Variants in PRKG1 observed in about 807,000 individuals in gnomAD.
PRKG1 encodes the protein cGMP-dependent protein kinase 1.
Under a neutral mutation model 88.1 loss-of-function variants are expected in PRKG1, and 35 were observed. The ratio of observed to expected loss-of-function variants is 0.40; its 90% CI spans 0.30 to 0.53. The LOEUF (loss-of-function observed/expected upper bound fraction) is 0.53, where lower values mean the gene tolerates loss of function less well. Among genes scored for constraint, PRKG1 ranks in the 20% least tolerant of loss-of-function variants. The pLI, the probability that PRKG1 is intolerant of heterozygous loss-of-function variation, is 0.59. For synonymous variants in PRKG1, 303 were observed against 292.5 expected, an observed-to-expected ratio of 1.04 and a Z score of -0.37; for missense variants, 540 against 839.8, an observed-to-expected ratio of 0.64 and a Z score of 4.41.
intron 2 of PRKG1, among the ~76,000 whole-genome samples, chr10:51,267,086 G>A (rs573021547): frequency 5.9e-5 from 9 of 152,206 alleles, no homozygotes; most frequent in Middle Eastern, 3.4e-3. Context: ...AATTAGCTCT[G>A]TTGCTGCCGA....
At chr10:51,906,250 C>A (rs1589408905) in intron 4 of PRKG1, among the ~76,000 whole-genome samples, 1 of 152,252 alleles carries the variant, frequency 6.6e-6, no homozygotes, top group Middle Eastern at 3.4e-3. Context: ...GAGTGTTTTT[C>A]TCCTCATTAT....
At chr10:51,031,128 T>C (rs1053219043) in intron 1 of PRKG1, among the ~76,000 whole-genome samples, 1 of 152,236 alleles carries the variant, frequency 6.6e-6, no homozygotes, top group African/African-American at 2.4e-5. Flanking sequence ...TTTTCAAAAG[T>C]ATTCATTGAT....
intron 2 of PRKG1, among the ~76,000 whole-genome samples, chr10:51,326,099 C>T (rs745820742): frequency 6.6e-6 from 1 of 152,152 alleles, no homozygotes; most frequent in Non-Finnish European, 1.5e-5. Context: ...AACCTAAGTC[C>T]TTTGGATTGC....
In PRKG1 at chr10:52,296,306, A is replaced by G. The variant is rs1196378144; in HGVS notation, c.*2406A>G. ...AATGGAGAAGGAAGAAGTAGCATTCAGCACAAGAAACTGTAGATTGTTTCT... is the reference window on the plus strand; with the variant it reads ...AATGGAGAAGGAAGAAGTAGCATTCGGCACAAGAAACTGTAGATTGTTTCT... On this transcript the variant is annotated 3_prime_UTR_variant, in exon 18 of 18. Coordinates refer to ENST00000373980, the MANE Select transcript of PRKG1 (RefSeq NM_006258.4). 1 of 152,104 alleles carries G rather than the reference A, an allele frequency of 6.6e-6. No individual in the cohort carries two copies. Among genetic ancestry groups the G allele is most frequent in the Non-Finnish European group, 1.5e-5 (1 of 67,954 alleles). 9.4% of individuals were successfully genotyped at this position (152,104 alleles called of 1,614,324 possible). A position where few individuals can be genotyped will look rare whatever the true frequency, so the allele number is the denominator to read the frequency against.
chr10:51,696,497 G>A (rs1286874668), intron 3 of PRKG1: 1 of 152,004 alleles, frequency 6.6e-6, no homozygotes, highest in Non-Finnish European at 1.5e-5. Flanking sequence ...GGAAGGTATT[G>A]AGAGATTATT....
chr10:51,660,699 C>T (rs942974503), intron 3 of PRKG1, among the ~76,000 whole-genome samples: 10 of 152,016 alleles, frequency 6.6e-5, no homozygotes, highest in Non-Finnish European at 4.4e-5. Flanking sequence ...CACGTGGATT[C>T]AGAGCTGAAA....
intron 5 of PRKG1, among the ~76,000 whole-genome samples, chr10:51,934,917 C>T (rs1396821792): frequency 1.3e-5 from 2 of 152,080 alleles, no homozygotes; most frequent in East Asian, 3.9e-4. Flanking sequence ...AATCAATAAG[C>T]CAGGACAGAG....
rs954251349 is a variant in PRKG1, at chr10:52,021,919, T to G, written c.763-32565T>G. ...CTTTTTCTTATTGCCATATCCATGT[T>G]GTTTCTTATATTATCTTCCTTATTT... On this transcript the variant is annotated intron_variant, in intron 5 of 17. Coordinates refer to ENST00000373980, the MANE Select transcript of PRKG1 (RefSeq NM_006258.4). 3.9e-5 allele frequency among the ~76,000 whole-genome samples: 6 copies of G among 152,330 alleles called. No homozygotes were observed. The East Asian group carries it at 7.7e-4, about 20-fold the overall frequency.
chr10:51,321,288 C>T (rs866148390), intron 2 of PRKG1, among the ~76,000 whole-genome samples: 1 of 152,014 alleles, frequency 6.6e-6, no homozygotes, highest in East Asian at 1.9e-4. Context: ...TGGAGTTAAG[C>T]GTCTAACTTT....
At chr10:51,962,434 G>T (rs1462089286) in intron 5 of PRKG1, among the ~76,000 whole-genome samples, 2 of 151,974 alleles carry the variant, frequency 1.3e-5, no homozygotes, top group South Asian at 4.2e-4. Flanking sequence ...ATACAAATAG[G>T]ATGATCATAG....
intron 1 of PRKG1, among the ~76,000 whole-genome samples, chr10:51,127,292 G>T (rs1406745467): frequency 6.6e-6 from 1 of 151,966 alleles, no homozygotes; most frequent in African/African-American, 2.4e-5. Context: ...TCAAAAAGTG[G>T]GCAAAGGATA....
At chr10:51,054,824 T>C (rs1226464522) in intron 1 of PRKG1, among the ~76,000 whole-genome samples, 1 of 152,144 alleles carries the variant, frequency 6.6e-6, no homozygotes, top group Non-Finnish European at 1.5e-5. Flanking sequence ...TTAAATCATT[T>C]TCAGTTTTCT....
chr10:51,515,480 T>G (rs113333817), intron 3 of PRKG1, among the ~76,000 whole-genome samples: 2 of 152,192 alleles, frequency 1.3e-5, no homozygotes, highest in African/African-American at 4.8e-5. Flanking sequence ...ACGTGAAATC[T>G]TAGTACTATT....
At chr10:51,465,353 T>G (rs901797549) in intron 2 of PRKG1, among the ~76,000 whole-genome samples, 2 of 152,180 alleles carry the variant, frequency 1.3e-5, no homozygotes, top group African/African-American at 4.8e-5. Flanking sequence ...GTTTAATTAT[T>G]AAACCCAGAG....
chr10:51,686,975 A>G (rs1841011041), intron 3 of PRKG1, among the ~76,000 whole-genome samples: 1 of 151,950 alleles, frequency 6.6e-6, no homozygotes, highest in Non-Finnish European at 1.5e-5. Flanking sequence ...GATCCCAAGT[A>G]ATTTGCCCAC....
intron 8 of PRKG1, among the ~76,000 whole-genome samples, chr10:52,155,449 G>C (rs965316589): frequency 2.6e-5 from 4 of 151,888 alleles, no homozygotes; most frequent in Non-Finnish European, 5.9e-5. Flanking sequence ...GAGAAGTTTA[G>C]TCATTTCATA....
intron 16 of PRKG1, 131 bp from the exon 17 acceptor site, chr10:52,290,093 A>G: frequency 3.0e-6 from 2 of 665,230 alleles, no homozygotes; most frequent in Non-Finnish European, 5.2e-6. Flanking sequence ...ATGCAATTAA[A>G]TAGAAAACAT....
At chr10:51,987,833 G>A (rs1316879548) in intron 5 of PRKG1, among the ~76,000 whole-genome samples, 3 of 152,016 alleles carry the variant, frequency 2.0e-5, no homozygotes, top group Non-Finnish European at 4.4e-5. Context: ...TAAGGGACAA[G>A]TATAGGTTCA....
chr10:51,941,559 G>C (rs1054197776), intron 5 of PRKG1, among the ~76,000 whole-genome samples: 10 of 151,610 alleles, frequency 6.6e-5, no homozygotes, highest in African/African-American at 2.4e-4. Flanking sequence ...CCATTAACTC[G>C]TCATTTAACA....
Sources: gnomAD v4.1 joint callset for allele counts (sites outside exome capture counted in the v4.1 genomes callset) on GRCh38, gnomAD v4.1.1 for gene constraint, MANE v1.5 for transcripts, NCBI Gene and HGNC (gene_info 2026-07-23, HGNC 2026-07-21) for gene names.